Variants in GALNTL6 observed in about 807,000 individuals in gnomAD.
The protein encoded by GALNTL6 is polypeptide N-acetylgalactosaminyltransferase like 6, also known as polypeptide N-acetylgalactosaminyltransferase-like 6.
Under a neutral mutation model 73.7 loss-of-function variants are expected in GALNTL6, and 46 were observed. The ratio of observed to expected loss-of-function variants is 0.62; its 90% CI spans 0.49 to 0.80. The LOEUF (loss-of-function observed/expected upper bound fraction) is 0.80. Ranked by LOEUF, GALNTL6 falls within the 30% of genes least tolerant of loss-of-function variation. The probability of loss-of-function intolerance (pLI) is 0.00; values close to 1 mark genes in which losing one functional copy is unlikely to be tolerated. For synonymous variants in GALNTL6, 259 were observed against 263.7 expected (o/e 0.98, Z 0.17); for missense variants, 604 against 755.0 (o/e 0.80, Z 2.34).
chr4:172,812,698 G>C (rs986239432), intron 6 of GALNTL6, among the ~76,000 whole-genome samples: 5 of 152,026 alleles, frequency 3.3e-5, no homozygotes, highest in African/African-American at 1.2e-4. Context: ...TTAAGCAGAG[G>C]TTGCATCTTG....
intron 2 of GALNTL6, among the ~76,000 whole-genome samples, chr4:172,128,056 A>T (rs1192728278): frequency 2.0e-5 from 3 of 152,180 alleles, no homozygotes; most frequent in Non-Finnish European, 4.4e-5. Context: ...GTGCACCGAG[A>T]TGGTGCCATT....
chr4:171,889,973 C>T (rs576129625), intron 2 of GALNTL6, among the ~76,000 whole-genome samples: 2 of 152,138 alleles, frequency 1.3e-5, no homozygotes, highest in East Asian at 1.9e-4. Flanking sequence ...GCATATAGTA[C>T]CCAACTGTTA....
rs564503158 is a variant in GALNTL6 at position 172,582,784 on chromosome 4, C to T, written c.554-226577C>T. Among the ~76,000 whole-genome samples, 18 of 147,638 alleles carry T rather than the reference C, an allele frequency of 1.2e-4. 1 individual carries two copies. In the South Asian group the frequency reaches 4.0e-3, roughly 33 times the overall value. ...CACACACACACACACACACACTCAA[C>T]GTTCTCCATTCAAATTCCTTTGTTT... On this transcript the variant is annotated intron_variant, in intron 5 of 12. Coordinates refer to ENST00000506823, the MANE Select transcript of GALNTL6 (RefSeq NM_001034845.3).
intron 3 of GALNTL6, among the ~76,000 whole-genome samples, chr4:172,269,717 A>G (rs547461935): frequency 2.0e-5 from 3 of 149,588 alleles, no homozygotes; most frequent in East Asian, 4.2e-4. Context: ...TCCTGTTTTT[A>G]TGCATTCTCT....
chr4:172,330,241 C>T (rs1741079863), intron 4 of GALNTL6, among the ~76,000 whole-genome samples: 1 of 152,196 alleles, frequency 6.6e-6, no homozygotes, highest in Non-Finnish European at 1.5e-5. Context: ...CCTGAGCGGC[C>T]ACTAAGCCAA....
At chr4:172,135,838 A>T (rs1387437931) in intron 2 of GALNTL6, among the ~76,000 whole-genome samples, 1 of 152,154 alleles carries the variant, frequency 6.6e-6, no homozygotes, top group African/African-American at 2.4e-5. Context: ...CACCCTAAAT[A>T]TCACATTCCT....
chr4:172,156,144 C>T (rs1236796043), intron 2 of GALNTL6, among the ~76,000 whole-genome samples: 1 of 151,948 alleles, frequency 6.6e-6, no homozygotes, highest in African/African-American at 2.4e-5. Flanking sequence ...GTTTTATAGT[C>T]CTCTGTAAAC....
intron 2 of GALNTL6, among the ~76,000 whole-genome samples, chr4:172,206,938 C>A (rs1736151095): frequency 6.6e-6 from 1 of 150,976 alleles, no homozygotes; most frequent in African/African-American, 2.4e-5. Context: ...GTGCCTCAGC[C>A]TCCCGAGTAG....
intron 2 of GALNTL6, among the ~76,000 whole-genome samples, chr4:172,052,829 C>T (rs1560901875): frequency 6.6e-6 from 1 of 152,086 alleles, no homozygotes; most frequent in Non-Finnish European, 1.5e-5. Flanking sequence ...TCTCTACTAG[C>T]ATAAACATAC....
At chr4:171,941,937 T>C (rs1391496947) in intron 2 of GALNTL6, among the ~76,000 whole-genome samples, 2 of 152,166 alleles carry the variant, frequency 1.3e-5, no homozygotes, top group East Asian at 1.9e-4. Flanking sequence ...GATTTAAACA[T>C]GCACATTATC....
intron 5 of GALNTL6, among the ~76,000 whole-genome samples, chr4:172,658,195 A>T (rs1280360875): frequency 7.9e-6 from 1 of 126,206 alleles, no homozygotes; most frequent in South Asian, 2.7e-4. Flanking sequence ...GGCCGGGTGC[A>T]GTGGCTCATG....
intron 5 of GALNTL6, among the ~76,000 whole-genome samples, chr4:172,712,701 T>C (rs958813773): frequency 6.6e-5 from 10 of 152,140 alleles, no homozygotes; most frequent in African/African-American, 2.4e-4. Flanking sequence ...TGAAACAAGA[T>C]TGTTAAGGGG....
chr4:172,263,954 A>G (rs1395255095), intron 3 of GALNTL6, among the ~76,000 whole-genome samples: 2 of 151,608 alleles, frequency 1.3e-5, no homozygotes, highest in Non-Finnish European at 3.0e-5. Context: ...TGAAATGTAT[A>G]TTAAAATATA....
At chr4:172,721,986 C>CT (rs11450428) in intron 5 of GALNTL6, among the ~76,000 whole-genome samples, 1,338 of 116,938 alleles carry the variant, frequency 0.011, 20 homozygotes, top group South Asian at 0.034. Context: ...TGGCGGAAGG[C>CT]TTTTTTTTTT....
At chr4:171,827,923 A>T (rs918821852) in intron 2 of GALNTL6, among the ~76,000 whole-genome samples, 1 of 152,152 alleles carries the variant, frequency 6.6e-6, no homozygotes, top group Admixed American at 6.6e-5. Context: ...AAAAGCTTGC[A>T]GACAAACCAT....
In GALNTL6 at chr4:171,866,425, A is replaced by G. The variant is rs539933354; in HGVS notation, c.138+51707A>G. ...TTAAAAGCTAGTTATAATCATTACT[A>G]TTTAACATTGACTTGGAATACAAAA... On this transcript the variant is annotated intron_variant, in intron 2 of 12. Transcript: ENST00000506823. Among the ~76,000 whole-genome samples, 20 of 152,304 alleles carry G rather than the reference A, an allele frequency of 1.3e-4. No individual in the cohort carries two copies. The East Asian group carries it at 1.5e-3, about 12-fold the overall frequency.
At chr4:172,638,353 G>A (rs1382339894) in intron 5 of GALNTL6, among the ~76,000 whole-genome samples, 1 of 152,052 alleles carries the variant, frequency 6.6e-6, no homozygotes, top group African/African-American at 2.4e-5. Flanking sequence ...ATATCCCTGT[G>A]AACATATTGG....
chr4:172,528,160 A>G (rs1735025316), intron 5 of GALNTL6, among the ~76,000 whole-genome samples: 1 of 151,476 alleles, frequency 6.6e-6, no homozygotes, highest in African/African-American at 2.4e-5. Flanking sequence ...CAAAAAGAAT[A>G]AAACATTTTC....
chr4:172,522,756 G>A (rs1360583850), intron 5 of GALNTL6, among the ~76,000 whole-genome samples: 4 of 148,772 alleles, frequency 2.7e-5, no homozygotes, highest in East Asian at 2.0e-4. Context: ...TTATTACCAC[G>A]CCATTTGTCA....
Sources: gnomAD v4.1 joint callset for allele counts (sites outside exome capture counted in the v4.1 genomes callset) on GRCh38, gnomAD v4.1.1 for gene constraint, MANE v1.5 for transcripts, NCBI Gene and HGNC (gene_info 2026-07-23, HGNC 2026-07-21) for gene names.